Variants in RBFOX3 observed in about 807,000 individuals in gnomAD.
RBFOX3 encodes the protein RNA binding protein fox-1 homolog 3.
RBFOX3 carries 17 observed loss-of-function variants against 48.7 expected under a neutral mutation model. The observed-to-expected ratio is 0.35, with a 90% CI of 0.24 to 0.52. RBFOX3 has a LOEUF of 0.52. Ranked by LOEUF, RBFOX3 falls within the 20% of genes least tolerant of loss-of-function variation. The pLI is 0.94. For missense variants in RBFOX3, 382 were observed against 497.5 expected (o/e 0.77, Z 2.21); for synonymous variants, 212 against 209.5 (o/e 1.01, Z -0.10).
At chr17:79,124,074 G>A (rs1328859067) in intron 4 of RBFOX3, among the ~76,000 whole-genome samples, 1 of 152,228 alleles carries the variant, frequency 6.6e-6, no homozygotes, top group East Asian at 1.9e-4. Flanking sequence ...TGGCATGGAG[G>A]TGGCGGCTGG....
At chr17:79,359,160 C>G (rs2085809348) in intron 2 of RBFOX3, among the ~76,000 whole-genome samples, 1 of 152,174 alleles carries the variant, frequency 6.6e-6, no homozygotes, top group African/African-American at 2.4e-5. Flanking sequence ...TAAACGTATC[C>G]CTAATCCACC....
intron 1 of RBFOX3, among the ~76,000 whole-genome samples, chr17:79,513,501 G>T (rs1446854030): frequency 6.6e-6 from 1 of 152,230 alleles, no homozygotes; most frequent in African/African-American, 2.4e-5. Flanking sequence ...AGGCACAGCT[G>T]CCCTGACCAT....
At chr17:79,650,295 G>A in the RBFOX3 span, among the ~76,000 whole-genome samples, 5 of 152,054 alleles carry the variant, frequency 3.3e-5, no homozygotes, top group African/African-American at 4.8e-5. Flanking sequence ...CTGGATGCCC[G>A]GGCCGAGGGA....
chr17:79,174,493 C>T (rs2050095971), intron 4 of RBFOX3, among the ~76,000 whole-genome samples: 1 of 152,004 alleles, frequency 6.6e-6, no homozygotes, highest in Non-Finnish European at 1.5e-5. Flanking sequence ...CGCATACTGA[C>T]ACATGTCCAC....
chr17:79,620,208 TGC>T, the RBFOX3 span, among the ~76,000 whole-genome samples: 21 of 122,260 alleles, frequency 1.7e-4, no homozygotes, highest in African/African-American at 6.5e-4. Flanking sequence ...CACGTGCACA[TGC>T]ACACACAGGG....
intron 4 of RBFOX3, among the ~76,000 whole-genome samples, chr17:79,196,234 G>T (rs2055562537): frequency 6.6e-6 from 1 of 152,090 alleles, no homozygotes; most frequent in Admixed American, 6.6e-5. Context: ...GAAGACTGTA[G>T]TCCCGCATCT....
At chr17:79,228,306 T>C (rs2060572058) in intron 4 of RBFOX3, among the ~76,000 whole-genome samples, 1 of 152,146 alleles carries the variant, frequency 6.6e-6, no homozygotes, top group Non-Finnish European at 1.5e-5. Context: ...GAGGTGTGTG[T>C]CCTGCTCTCT....
At chr17:79,318,217 G>A (rs183400545) in intron 2 of RBFOX3, among the ~76,000 whole-genome samples, 5 of 152,236 alleles carry the variant, frequency 3.3e-5, no homozygotes, top group East Asian at 3.9e-4. Flanking sequence ...TGGATGCTCC[G>A]GGTGGTGTTT....
chr17:79,159,637 G>T (rs1392920255), intron 4 of RBFOX3, among the ~76,000 whole-genome samples: 1 of 152,206 alleles, frequency 6.6e-6, no homozygotes, highest in Non-Finnish European at 1.5e-5. Context: ...CAACTGGGGT[G>T]GTAGGGACAC....
chr17:79,388,604 A>G (rs543706745), intron 2 of RBFOX3, among the ~76,000 whole-genome samples: 118 of 152,342 alleles, frequency 7.7e-4, no homozygotes, highest in African/African-American at 2.7e-3. Context: ...CCCCTGCTCC[A>G]GGAAGCTCAC....
At chr17:79,412,337 G>A (rs1327994497) in intron 2 of RBFOX3, among the ~76,000 whole-genome samples, 1 of 151,538 alleles carries the variant, frequency 6.6e-6, no homozygotes, top group African/African-American at 2.4e-5. Context: ...TGGTGTGTAT[G>A]CACATGTTGT....
chr17:79,296,908 T>C (rs1306928215), intron 3 of RBFOX3, among the ~76,000 whole-genome samples: 2 of 113,840 alleles, frequency 1.8e-5, no homozygotes, highest in Non-Finnish European at 3.6e-5. Context: ...TTTTTCCTCC[T>C]CCCCATCCCC....
At chr17:79,572,683 CCTGT>C (rs1368192509) in intron 1 of RBFOX3, among the ~76,000 whole-genome samples, 2 of 152,300 alleles carry the variant, frequency 1.3e-5, no homozygotes, top group African/African-American at 4.8e-5. Context: ...GGGCAGCCAG[CCTGT>C]CTGATTACTT....
At chr17:79,107,451 A>ACC (rs2077598644) in intron 5 of RBFOX3, among the ~76,000 whole-genome samples, 1 of 152,208 alleles carries the variant, frequency 6.6e-6, no homozygotes, top group East Asian at 1.9e-4. Context: ...GGTCTCAGGA[A>ACC]ACAAAAGCCA....
intron 1 of RBFOX3, among the ~76,000 whole-genome samples, chr17:79,483,937 AG>A (rs1248878603): frequency 6.6e-6 from 1 of 152,152 alleles, no homozygotes; most frequent in African/African-American, 2.4e-5. Context: ...GAGGGCTGGC[AG>A]GGGGTAGACC....
chr17:79,543,285 C>G (rs1373359385), intron 1 of RBFOX3, among the ~76,000 whole-genome samples: 3 of 152,170 alleles, frequency 2.0e-5, no homozygotes, highest in Non-Finnish European at 4.4e-5. Context: ...TGCGAGTTTG[C>G]TACATCTTCA....
chr17:79,523,796 G>A (rs888562042), intron 1 of RBFOX3, among the ~76,000 whole-genome samples: 6 of 152,176 alleles, frequency 3.9e-5, no homozygotes, highest in Non-Finnish European at 8.8e-5. Flanking sequence ...AATAAAAGGC[G>A]AACCTTGTAA....
At chr17:79,415,554 T>TGC (rs1240226287) in intron 2 of RBFOX3, among the ~76,000 whole-genome samples, 1 of 152,116 alleles carries the variant, frequency 6.6e-6, no homozygotes, top group African/African-American at 2.4e-5. Context: ...GGTGTGTGCA[T>TGC]GCAGGCAGCC....
intron 2 of RBFOX3, among the ~76,000 whole-genome samples, chr17:79,365,593 C>T (rs112338550): frequency 1.4e-3 from 214 of 152,338 alleles, no homozygotes; most frequent in African/African-American, 4.9e-3. Flanking sequence ...GCCGGCGCGG[C>T]GGCAGGTGAA....
Sources: gnomAD v4.1 joint callset for allele counts (sites outside exome capture counted in the v4.1 genomes callset) on GRCh38, gnomAD v4.1.1 for gene constraint, MANE v1.5 for transcripts, NCBI Gene and HGNC (gene_info 2026-07-23, HGNC 2026-07-21) for gene names.